Variants in SSBP3 observed in about 807,000 individuals in gnomAD.
SSBP3 encodes single stranded DNA binding protein 3.
SSBP3 carries 5 observed loss-of-function variants against 69.6 expected under a neutral mutation model. The ratio of observed to expected loss-of-function variants is 0.07; its 90% confidence interval spans 0.04 to 0.15. SSBP3 has a LOEUF of 0.15. SSBP3 is among the 10% of genes least tolerant of loss of function. The pLI, the probability that SSBP3 is intolerant of heterozygous loss-of-function variation, is 1.00. For synonymous variants in SSBP3, 196 were observed against 193.4 expected (o/e 1.01, Z -0.11); for missense variants, 312 against 534.0 (o/e 0.58, Z 4.10).
At chr1:54,399,883 C>T (rs1649170174) in intron 4 of SSBP3, among the ~76,000 whole-genome samples, 1 of 152,170 alleles carries the variant, frequency 6.6e-6, no homozygotes. Flanking sequence ...CCTTCATAAT[C>T]CCCATTCATC....
chr1:54,408,980 G>A (rs910115019), upstream of SSBP3, among the ~76,000 whole-genome samples: 3 of 152,142 alleles, frequency 2.0e-5, no homozygotes, highest in Non-Finnish European at 4.4e-5. Flanking sequence ...ACCCCTGCTG[G>A]CTAGAAGATT....
At chr1:54,318,437 G>GT (rs948402624) in intron 4 of SSBP3, among the ~76,000 whole-genome samples, 14 of 150,454 alleles carry the variant, frequency 9.3e-5, no homozygotes, top group Middle Eastern at 3.4e-3. Flanking sequence ...GTAGGATTAA[G>GT]TTTTTTTTTT....
chr1:54,328,457 C>T (rs1297022644), intron 4 of SSBP3, among the ~76,000 whole-genome samples: 3 of 152,176 alleles, frequency 2.0e-5, no homozygotes, highest in Admixed American at 2.0e-4. Flanking sequence ...TCTGGGCCTC[C>T]AGGTCCTTGT....
chr1:54,227,884 C>T (rs944974115), intron 17 of SSBP3, among the ~76,000 whole-genome samples: 34 of 152,218 alleles, frequency 2.2e-4, no homozygotes, highest in African/African-American at 7.7e-4. Context: ...AAGCAGACAG[C>T]CAACCCGTGT....
At chr1:54,322,341 G>T (rs139578127) in intron 4 of SSBP3, among the ~76,000 whole-genome samples, 180 of 152,286 alleles carry the variant, frequency 1.2e-3, no homozygotes, top group African/African-American at 4.2e-3. Flanking sequence ...GGCTTCAGTG[G>T]GTTGAGGTGC....
chr1:54,295,407 G>A (rs1423481408), intron 4 of SSBP3, among the ~76,000 whole-genome samples: 1 of 152,208 alleles, frequency 6.6e-6, no homozygotes, highest in Non-Finnish European at 1.5e-5. Flanking sequence ...AAAGTCCCAA[G>A]TAGGTTCATG....
chr1:54,239,474 T>C (rs1644565679), intron 13 of SSBP3, among the ~76,000 whole-genome samples: 1 of 152,066 alleles, frequency 6.6e-6, no homozygotes, highest in Non-Finnish European at 1.5e-5. Context: ...CCGAATCTGG[T>C]CCCCAGACAC....
intron 1 of SSBP3, among the ~76,000 whole-genome samples, chr1:54,405,737 T>G (rs1464553240): frequency 8.3e-6 from 1 of 121,078 alleles, no homozygotes; most frequent in Non-Finnish European, 1.8e-5. Flanking sequence ...CCACCGCCCC[T>G]TCCCCGATCC....
chr1:54,273,705 A>G (rs1028126937), intron 5 of SSBP3, among the ~76,000 whole-genome samples: 2 of 152,232 alleles, frequency 1.3e-5, no homozygotes, highest in Non-Finnish European at 2.9e-5. Flanking sequence ...ACAGAGGAGC[A>G]AGCTAAGGCC....
intron 4 of SSBP3, among the ~76,000 whole-genome samples, chr1:54,340,449 G>T (rs756428702): frequency 6.6e-6 from 1 of 152,158 alleles, no homozygotes; most frequent in Admixed American, 6.5e-5. Flanking sequence ...ATCTCCCCAA[G>T]TTGTGGGCAT....
rs74621586 is a variant in SSBP3, at chr1:54,295,069, C to G, written c.277-13542G>C. Among the ~76,000 whole-genome samples the G allele has an allele frequency of 3.0e-3, 462 of 152,240 alleles. 2 individuals are homozygous for G. Among genetic ancestry groups the G allele is most frequent in the African/African-American group, 0.011 (444 of 41,532 alleles). ...CCACAGAGCAAGCCCTGAGCTCATGCGGGAGGAATCCATCACCCCCAGCCT... is the reference window on the plus strand; with the variant it reads ...CCACAGAGCAAGCCCTGAGCTCATGGGGGAGGAATCCATCACCCCCAGCCT... On this transcript the variant is annotated intron_variant, in intron 4 of 17. Coordinates refer to ENST00000610401, the Ensembl canonical transcript of SSBP3.
chr1:54,273,797 T>C (rs972836981), intron 5 of SSBP3, among the ~76,000 whole-genome samples: 1 of 152,128 alleles, frequency 6.6e-6, no homozygotes, highest in African/African-American at 2.4e-5. Flanking sequence ...ACTCCCAGGA[T>C]AGGGGGCTTC....
At chr1:54,254,459 C>T (rs1349492754) in intron 7 of SSBP3, among the ~76,000 whole-genome samples, 1 of 152,234 alleles carries the variant, frequency 6.6e-6, no homozygotes, top group Non-Finnish European at 1.5e-5. Context: ...AAAACAGCAA[C>T]TCTCTATGCA....
At chr1:54,311,918 G>A (rs1162943788) in intron 4 of SSBP3, among the ~76,000 whole-genome samples, 4 of 152,136 alleles carry the variant, frequency 2.6e-5, no homozygotes, top group African/African-American at 7.2e-5. Context: ...CCTGCCCAGC[G>A]CACTCACAGC....
intron 14 of SSBP3, among the ~76,000 whole-genome samples, chr1:54,232,185 CTAGT>C (rs1299220287): frequency 6.6e-6 from 1 of 152,108 alleles, no homozygotes; most frequent in African/African-American, 2.4e-5. Context: ...AGGAGGTGGA[CTAGT>C]TAAATGATTG....
At chr1:54,409,528 C>T (rs772405486), upstream of SSBP3, among the ~76,000 whole-genome samples, 3 of 152,136 alleles carry the variant, frequency 2.0e-5, no homozygotes, top group Non-Finnish European at 2.9e-5. Context: ...GGAAAACTCA[C>T]CCCAGCCCCA....
chr1:54,401,725 G>C (rs1279953056), intron 4 of SSBP3, 136 bp downstream of exon 4: 2 of 664,798 alleles, frequency 3.0e-6, no homozygotes, highest in Non-Finnish European at 5.2e-6. Flanking sequence ...CTGCAGAGAG[G>C]TGGGCAGGGG....
intron 4 of SSBP3, among the ~76,000 whole-genome samples, chr1:54,338,484 T>G (rs7545747): frequency 6.6e-6 from 1 of 152,024 alleles, no homozygotes; most frequent in Admixed American, 6.6e-5. Flanking sequence ...TCCCGACCCC[T>G]AACCCCACTT....
At chr1:54,377,803 T>G (rs938532578) in intron 4 of SSBP3, among the ~76,000 whole-genome samples, 1 of 152,176 alleles carries the variant, frequency 6.6e-6, no homozygotes, top group African/African-American at 2.4e-5. Flanking sequence ...TGACAGCATT[T>G]AAGACACTGA....
Sources: allele counts gnomAD v4.1 joint callset (sites outside exome capture counted in the v4.1 genomes callset), GRCh38; gene constraint gnomAD v4.1.1; transcripts MANE v1.5; gene names NCBI Gene and HGNC (gene_info 2026-07-23, HGNC 2026-07-21).